DNM3: variants seen among roughly 807,000 people sequenced by gnomAD.
DNM3 encodes dynamin-3.
A neutral mutation model predicts 101.6 loss-of-function variants in DNM3; 47 were observed. The observed-to-expected ratio is 0.46, with a 90% CI of 0.37 to 0.59. DNM3 has a LOEUF of 0.59. DNM3 is among the 20% of genes least tolerant of loss of function. The probability of loss-of-function intolerance (pLI) is 0.00; values close to 1 mark genes in which losing one functional copy is unlikely to be tolerated. For missense variants in DNM3, 849 were observed against 1,085.7 expected, an observed-to-expected ratio of 0.78 and a Z score of 3.06; for synonymous variants, 385 against 387.9, an observed-to-expected ratio of 0.99 and a Z score of 0.09.
At chr1:172,063,459 A>G (rs1318102810) in intron 10 of DNM3, among the ~76,000 whole-genome samples, 1 of 152,088 alleles carries the variant, frequency 6.6e-6, no homozygotes, top group Non-Finnish European at 1.5e-5. Flanking sequence ...AGTACCCTAA[A>G]TAACACTTAC....
intron 2 of DNM3, among the ~76,000 whole-genome samples, chr1:171,925,600 A>T (rs550737287): frequency 6.6e-5 from 10 of 152,106 alleles, no homozygotes; most frequent in Non-Finnish European, 1.5e-4. Context: ...TAGATTCTGG[A>T]TATTAGTCCT....
At chr1:172,342,649 A>G (rs917424468) in intron 17 of DNM3, among the ~76,000 whole-genome samples, 4 of 152,126 alleles carry the variant, frequency 2.6e-5, no homozygotes, top group African/African-American at 9.7e-5. Flanking sequence ...AAAAATACCT[A>G]TTGTTGGTAC....
intron 14 of DNM3, among the ~76,000 whole-genome samples, chr1:172,245,475 G>C (rs543820821): frequency 6.6e-6 from 1 of 152,338 alleles, no homozygotes; most frequent in Admixed American, 6.5e-5. Context: ...TGGTGGAGGA[G>C]GCCCTTGCCA....
chr1:172,280,374 T>G (rs1045196596), intron 15 of DNM3, among the ~76,000 whole-genome samples: 1 of 152,190 alleles, frequency 6.6e-6, no homozygotes, highest in Non-Finnish European at 1.5e-5. Flanking sequence ...AGGCAAAAAT[T>G]TAATCTTTTT....
chr1:171,851,500 G>A (rs1206940193), intron 1 of DNM3, among the ~76,000 whole-genome samples: 1 of 152,170 alleles, frequency 6.6e-6, no homozygotes, highest in Non-Finnish European at 1.5e-5. Flanking sequence ...TGCAACCTCT[G>A]CCTCCCAGGT....
At chr1:172,325,530 TA>T (rs61218047) in intron 17 of DNM3, among the ~76,000 whole-genome samples, 4 of 150,496 alleles carry the variant, frequency 2.7e-5, no homozygotes, top group African/African-American at 4.9e-5. Context: ...GACTCTGGCA[TA>T]AAAAAAAAGC....
At chr1:172,065,175 A>G (rs2051555089) in intron 10 of DNM3, among the ~76,000 whole-genome samples, 2 of 152,202 alleles carry the variant, frequency 1.3e-5, no homozygotes. Context: ...TCAGCTATCA[A>G]GTGTTTAGTA....
rs115938898 is a variant in DNM3, at chr1:172,394,466, A to G, written c.2522+5657A>G. 226 of 152,414 alleles carry G rather than the reference A, an allele frequency of 1.5e-3. 1 individual carries two copies. Among genetic ancestry groups the G allele is most frequent in the African/African-American group, 5.3e-3 (219 of 41,600 alleles). The allele number at this position is 152,414 out of a possible 1,614,324, so 9.4% of individuals were successfully genotyped here. A position where few individuals can be genotyped will look rare whatever the true frequency, so the allele number is the denominator to read the frequency against. ...AGAAAGGATCTACATAAGGCAAAGT[A>G]CAAGTAACATAAATGCAGACAGCAG... On this transcript the variant is annotated intron_variant, in intron 20 of 20. Coordinates refer to ENST00000627582, the MANE Select transcript of DNM3 (RefSeq NM_015569.5).
chr1:172,266,119 A>G (rs2062848983), intron 15 of DNM3, among the ~76,000 whole-genome samples: 1 of 152,214 alleles, frequency 6.6e-6, no homozygotes, highest in Non-Finnish European at 1.5e-5. Context: ...TTCTGAAAGA[A>G]TGACTCTTTA....
At chr1:172,215,948 T>C (rs1193663979) in intron 14 of DNM3, among the ~76,000 whole-genome samples, 1 of 144,120 alleles carries the variant, frequency 6.9e-6, no homozygotes, top group Non-Finnish European at 1.5e-5. Context: ...AATTTATTCT[T>C]AACACTCTCT....
At chr1:172,184,986 T>C (rs762198436) in intron 14 of DNM3, among the ~76,000 whole-genome samples, 2 of 151,788 alleles carry the variant, frequency 1.3e-5, no homozygotes, top group Non-Finnish European at 2.9e-5. Flanking sequence ...TAAGAGAGCA[T>C]CGAACATCTG....
intron 2 of DNM3, among the ~76,000 whole-genome samples, chr1:171,939,087 G>A (rs559661386): frequency 1.3e-5 from 2 of 151,154 alleles, no homozygotes; most frequent in Middle Eastern, 3.2e-3. Context: ...TTTTTCCTTG[G>A]CTTAAGCATT....
At chr1:172,086,461 A>AGGG (rs1236442735) in intron 12 of DNM3, among the ~76,000 whole-genome samples, 1 of 152,246 alleles carries the variant, frequency 6.6e-6, no homozygotes, top group Non-Finnish European at 1.5e-5. Context: ...ACTTTCTGAG[A>AGGG]TGATGGAACT....
In DNM3 at chr1:172,044,582, G is replaced by A. The variant is rs1157253292; in HGVS notation, c.1196+130G>A. ...ATACAGAGGTGGGAGTAAGAAACAG[G>A]AAATCCTACTTTGGGGTTTAATGGT... is the stretch of plus-strand genomic sequence containing the variant. On this transcript the variant is annotated intron_variant, in intron 9 of 20. Transcript: ENST00000627582. The A allele has an allele frequency of 5.8e-5, 43 of 745,734 alleles. 1 individual carries two copies. In the South Asian group the frequency reaches 8.6e-4, roughly 15 times the overall value. The allele number at this position is 745,734 out of a possible 1,614,324, so 46.2% of individuals were successfully genotyped here.
chr1:171,941,968 A>G (rs1402506943), intron 2 of DNM3, among the ~76,000 whole-genome samples: 1 of 152,082 alleles, frequency 6.6e-6, no homozygotes, highest in African/African-American at 2.4e-5. Context: ...ACATACTAAG[A>G]TTTATATTTT....
chr1:172,139,995 AAC>A (rs1558631066), intron 14 of DNM3: 3 of 152,052 alleles, frequency 2.0e-5, no homozygotes, highest in Non-Finnish European at 4.4e-5. Context: ...CTTCTTAAAA[AAC>A]ACAGCACCAA....
At chr1:172,049,213 G>C (rs926428171) in intron 10 of DNM3, among the ~76,000 whole-genome samples, 2 of 152,072 alleles carry the variant, frequency 1.3e-5, no homozygotes, top group African/African-American at 4.8e-5. Context: ...CCCAGCCTTG[G>C]GGTTTCAATG....
chr1:171,876,844 T>A (rs886076464), intron 1 of DNM3, among the ~76,000 whole-genome samples: 1 of 152,270 alleles, frequency 6.6e-6, no homozygotes, highest in Non-Finnish European at 1.5e-5. Flanking sequence ...ATGTTTTTGC[T>A]ATTTGGGGGC....
intron 17 of DNM3, among the ~76,000 whole-genome samples, chr1:172,349,420 C>T (rs917394034): frequency 6.6e-6 from 1 of 152,140 alleles, no homozygotes. Flanking sequence ...TTATTAGATC[C>T]TTTGCAGGTA....
Sources: allele counts gnomAD v4.1 joint callset (sites outside exome capture counted in the v4.1 genomes callset), GRCh38; gene constraint gnomAD v4.1.1; transcripts MANE v1.5; gene names NCBI Gene and HGNC (gene_info 2026-07-23, HGNC 2026-07-21).